SLC25A48: variants seen among roughly 807,000 people sequenced by gnomAD.
SLC25A48 encodes the protein CTC-321K16.1.
In SLC25A48, 29 loss-of-function variants were observed where a neutral mutation model predicts 32.2. That is an observed-to-expected ratio of 0.90 (90% CI 0.67 to 1.23). The LOEUF (loss-of-function observed/expected upper bound fraction) is 1.23. Ranked by LOEUF, SLC25A48 falls within the 50% of genes most tolerant of loss-of-function variation. SLC25A48 has a pLI of 0.00. For missense variants in SLC25A48, 399 were observed against 422.7 expected (o/e 0.94, Z 0.49); for synonymous variants, 164 against 172.3 (o/e 0.95, Z 0.38).
chr5:135,643,537 C>T (rs1752888424), intron 3 of SLC25A48, among the ~76,000 whole-genome samples: 1 of 152,206 alleles, frequency 6.6e-6, no homozygotes, highest in African/African-American at 2.4e-5. Context: ...TCCTGCAATG[C>T]TAATGAAGGG....
At chr5:135,660,811 T>C (rs908108429) in intron 3 of SLC25A48, among the ~76,000 whole-genome samples, 3 of 152,218 alleles carry the variant, frequency 2.0e-5, no homozygotes, top group Non-Finnish European at 4.4e-5. Context: ...GGGTCTGAGA[T>C]GCTGCATGTC....
At chr5:135,835,823 C>T (rs985495576) in intron 1 of SLC25A48, among the ~76,000 whole-genome samples, 1 of 152,034 alleles carries the variant, frequency 6.6e-6, no homozygotes, top group Non-Finnish European at 1.5e-5. Context: ...TGGATCCCAA[C>T]TCCTCCCCTC....
intron 3 of SLC25A48, among the ~76,000 whole-genome samples, chr5:135,674,746 A>C (rs2126945019): frequency 6.6e-6 from 1 of 151,988 alleles, no homozygotes; most frequent in African/African-American, 2.4e-5. Flanking sequence ...TTGTCTGTGG[A>C]TGGACATTTA....
intron 1 of SLC25A48, among the ~76,000 whole-genome samples, chr5:135,618,400 C>T (rs1042627434): frequency 4.6e-5 from 7 of 152,066 alleles, no homozygotes; most frequent in Admixed American, 3.9e-4. Context: ...TAAAGCTAAT[C>T]TGCTTACATT....
chr5:135,774,626 G>A (rs1389634029), intron 3 of SLC25A48, among the ~76,000 whole-genome samples: 3 of 151,782 alleles, frequency 2.0e-5, no homozygotes, highest in Non-Finnish European at 4.4e-5. Flanking sequence ...CAGAGGGAAA[G>A]ATGATGGCAT....
At chr5:135,747,280 T>C (rs768941291) in intron 3 of SLC25A48, among the ~76,000 whole-genome samples, 1 of 151,648 alleles carries the variant, frequency 6.6e-6, no homozygotes, top group Non-Finnish European at 1.5e-5. Flanking sequence ...TATATATCTA[T>C]ATATCAGTTA....
intron 2 of SLC25A48, among the ~76,000 whole-genome samples, chr5:135,632,337 CG>C (rs1752595487): frequency 6.6e-6 from 1 of 152,114 alleles, no homozygotes; most frequent in Non-Finnish European, 1.5e-5. Flanking sequence ...GGAGGCACAG[CG>C]ACCTATTAGG....
chr5:135,843,503 C>T (rs563271150), intron 2 of SLC25A48, among the ~76,000 whole-genome samples: 9 of 152,168 alleles, frequency 5.9e-5, no homozygotes, highest in Non-Finnish European at 1.2e-4. Context: ...AATTAGGGAA[C>T]ACAACAGATG....
intron 3 of SLC25A48, among the ~76,000 whole-genome samples, chr5:135,726,382 C>T (rs1755089610): frequency 6.6e-6 from 1 of 152,216 alleles, no homozygotes. Context: ...AGAATATTGA[C>T]CTCCATACAG....
chr5:135,823,952 C>A (rs1225238786), intron 4 of SLC25A48, among the ~76,000 whole-genome samples: 1 of 152,182 alleles, frequency 6.6e-6, no homozygotes, highest in African/African-American at 2.4e-5. Context: ...GACTGAGAGC[C>A]AGCAGACTAG....
At chr5:135,741,429 G>T (rs537115304) in intron 3 of SLC25A48, among the ~76,000 whole-genome samples, 1 of 152,266 alleles carries the variant, frequency 6.6e-6, no homozygotes, top group South Asian at 2.1e-4. Flanking sequence ...TTGGTACTTA[G>T]GTACTAATTT....
intron 3 of SLC25A48, among the ~76,000 whole-genome samples, chr5:135,686,178 G>T (rs1423403402): frequency 6.6e-6 from 1 of 152,160 alleles, no homozygotes; most frequent in Non-Finnish European, 1.5e-5. Flanking sequence ...ATCTCTCTGA[G>T]GTGCAATTCC....
At chr5:135,792,153 C>T (rs1757047236) in intron 3 of SLC25A48, among the ~76,000 whole-genome samples, 1 of 151,822 alleles carries the variant, frequency 6.6e-6, no homozygotes, top group African/African-American at 2.4e-5. Context: ...GAGCATGTTA[C>T]TCCTAATGTA....
At chr5:135,619,392 C>A (rs916343713) in intron 1 of SLC25A48, among the ~76,000 whole-genome samples, 1 of 152,014 alleles carries the variant, frequency 6.6e-6, no homozygotes, top group African/African-American at 2.4e-5. Context: ...TGGTAAATTT[C>A]TCTTTCATAC....
intron 3 of SLC25A48, among the ~76,000 whole-genome samples, chr5:135,796,986 C>G (rs894153431): frequency 1.3e-5 from 2 of 151,636 alleles, no homozygotes; most frequent in Non-Finnish European, 2.9e-5. Flanking sequence ...GGTTTTCACC[C>G]CCCCATGATA....
chr5:135,619,621 T>C (rs1191740826), intron 1 of SLC25A48, among the ~76,000 whole-genome samples: 4 of 152,238 alleles, frequency 2.6e-5, no homozygotes, highest in Admixed American at 1.3e-4. Context: ...CAGTCACTTC[T>C]TCCAATGTTT....
At chr5:135,816,445 A>G (rs574457764) in intron 4 of SLC25A48, among the ~76,000 whole-genome samples, 10 of 152,300 alleles carry the variant, frequency 6.6e-5, no homozygotes, top group South Asian at 4.2e-4. Context: ...CCAACTACCA[A>G]AATTTGAATT....
At chr5:135,766,387 C>T (rs955633516) in intron 3 of SLC25A48, among the ~76,000 whole-genome samples, 2 of 150,578 alleles carry the variant, frequency 1.3e-5, no homozygotes, top group African/African-American at 2.4e-5. Context: ...CTCCCCATGT[C>T]GGTGTATTGT....
In SLC25A48 at chr5:135,768,034, G is replaced by T. The variant is rs114818423; in HGVS notation, c.-520-44489G>T. ...CTTGTGATAATGTTCATAATATCAAGGGGGGAGAAAGGATGATATTACTCC... is the reference window on the plus strand; with the variant it reads ...CTTGTGATAATGTTCATAATATCAATGGGGGAGAAAGGATGATATTACTCC... On this transcript the variant is annotated intron_variant, in intron 3 of 10. Transcript: ENST00000646290. Among the ~76,000 whole-genome samples the T allele has an allele frequency of 6.3e-3, 908 of 144,030 alleles. 6 individuals carry two copies. The highest frequency in any genetic ancestry group is 0.022 in the African/African-American group (845 of 38,304). The allele number at this position is 144,030 out of a possible 152,430, so 94.5% of individuals were successfully genotyped here.
Sources: allele counts gnomAD v4.1 joint callset (sites outside exome capture counted in the v4.1 genomes callset), GRCh38; gene constraint gnomAD v4.1.1; transcripts MANE v1.5; gene names NCBI Gene and HGNC (gene_info 2026-07-23, HGNC 2026-07-21).